The following AGBL4 variants were observed in gnomAD, a reference collection of about 807,000 sequenced individuals.
AGBL4 encodes cytosolic carboxypeptidase 6.
Under a neutral mutation model 66.4 loss-of-function variants are expected in AGBL4, and 58 were observed. The observed-to-expected ratio is 0.87, with a 90% CI of 0.71 to 1.09. The LOEUF is 1.09. Among genes scored for constraint, AGBL4 ranks in the 50% least tolerant of loss-of-function variants. AGBL4 has a pLI of 0.00. For synonymous variants in AGBL4, 234 were observed against 222.9 expected, an observed-to-expected ratio of 1.05 and a Z score of -0.44; for missense variants, 579 against 631.0, an observed-to-expected ratio of 0.92 and a Z score of 0.88.
intron 3 of AGBL4, among the ~76,000 whole-genome samples, chr1:49,431,806 T>G (rs1645793380): frequency 6.6e-6 from 1 of 151,902 alleles, no homozygotes; most frequent in Non-Finnish European, 1.5e-5. Flanking sequence ...AAAGAGAAAA[T>G]ATGTAGGATA....
chr1:48,772,186 T>C (rs1644869182), intron 6 of AGBL4, among the ~76,000 whole-genome samples: 2 of 152,098 alleles, frequency 1.3e-5, no homozygotes, highest in Non-Finnish European at 2.9e-5. Context: ...GGCACATTCA[T>C]GACTAATAAA....
At chr1:49,800,871 G>A (rs1297787776) in intron 2 of AGBL4, among the ~76,000 whole-genome samples, 1 of 133,150 alleles carries the variant, frequency 7.5e-6, no homozygotes, top group Non-Finnish European at 1.6e-5. Context: ...AGTCCTTTGG[G>A]TATATACCCA....
intron 11 of AGBL4, among the ~76,000 whole-genome samples, chr1:48,541,058 T>C (rs1398946712): frequency 6.6e-6 from 1 of 152,244 alleles, no homozygotes; most frequent in Admixed American, 6.5e-5. Flanking sequence ...ACATTATGCT[T>C]GCTACCTCCC....
chr1:49,005,335 TAAAC>T lies in AGBL4; in HGVS notation c.594+40245_594+40248del, dbSNP rs1001169997. 2.0e-5 allele frequency among the ~76,000 whole-genome samples: 3 copies of T among 152,138 alleles called. 1 individual carries two copies. The highest frequency in any genetic ancestry group is 2.0e-4 in the Admixed American group (3 of 15,270). ...AATATTAAATAAAAAATTCCAGAAA[TAAAC>T]AATTCATAAGTTTTAAATTGTGGGC... On this transcript the variant is annotated intron_variant, in intron 5 of 13. Transcript: ENST00000371839.
At chr1:49,665,170 A>C (rs1230174830) in intron 3 of AGBL4, among the ~76,000 whole-genome samples, 1 of 152,130 alleles carries the variant, frequency 6.6e-6, no homozygotes, top group African/African-American at 2.4e-5. Flanking sequence ...TTACAACCCC[A>C]ATCATATCCA....
intron 3 of AGBL4, among the ~76,000 whole-genome samples, chr1:49,348,277 G>A (rs1271713951): frequency 1.3e-5 from 2 of 152,092 alleles, no homozygotes; most frequent in African/African-American, 4.8e-5. Flanking sequence ...AACTAGCCGG[G>A]TATGGTGGCA....
intron 2 of AGBL4, among the ~76,000 whole-genome samples, chr1:49,831,853 A>G (rs1293683617): frequency 1.3e-5 from 2 of 152,180 alleles, no homozygotes; most frequent in African/African-American, 4.8e-5. Context: ...CCTTTTCTGC[A>G]TCTATGGAGA....
intron 1 of AGBL4, among the ~76,000 whole-genome samples, chr1:49,894,355 C>T (rs930211862): frequency 1.3e-5 from 2 of 152,156 alleles, no homozygotes; most frequent in African/African-American, 4.8e-5. Context: ...AAGGAAAATA[C>T]GACTCTACCA....
At chr1:49,554,380 T>C (rs1653232293) in intron 3 of AGBL4, among the ~76,000 whole-genome samples, 2 of 152,180 alleles carry the variant, frequency 1.3e-5, no homozygotes, top group Admixed American at 1.3e-4. Context: ...AACACATTTT[T>C]TTTTATACTG....
the AGBL4 span, among the ~76,000 whole-genome samples, chr1:48,526,726 A>G: frequency 1.3e-5 from 2 of 151,802 alleles, no homozygotes; most frequent in African/African-American, 4.9e-5. Context: ...TAATAGCAAC[A>G]GCAATGTTTT....
chr1:49,085,262 TTCA>T (rs55673573), intron 4 of AGBL4, among the ~76,000 whole-genome samples: 84,846 of 145,180 alleles, frequency 0.58, 24,920 homozygotes, highest in African/African-American at 0.64. Context: ...GACTGGGACT[TTCA>T]TCATCATCAT....
At chr1:49,858,786 G>T (rs1646494862) in intron 1 of AGBL4, among the ~76,000 whole-genome samples, 1 of 152,144 alleles carries the variant, frequency 6.6e-6, no homozygotes, top group African/African-American at 2.4e-5. Flanking sequence ...GGAGGCTGAG[G>T]CGGCAGATCA....
intron 1 of AGBL4, among the ~76,000 whole-genome samples, chr1:49,930,557 C>G (rs1653231889): frequency 6.6e-6 from 1 of 151,998 alleles, no homozygotes; most frequent in African/African-American, 2.4e-5. Context: ...TCAAATCCCA[C>G]TACACAAAAA....
intron 11 of AGBL4, among the ~76,000 whole-genome samples, chr1:48,576,342 C>A (rs1226089081): frequency 6.6e-6 from 1 of 152,178 alleles, no homozygotes; most frequent in African/African-American, 2.4e-5. Flanking sequence ...CCCCTCCTAA[C>A]CCTGGTCCAT....
At chr1:49,373,702 G>A (rs1402283965) in intron 3 of AGBL4, among the ~76,000 whole-genome samples, 1 of 152,054 alleles carries the variant, frequency 6.6e-6, no homozygotes, top group Non-Finnish European at 1.5e-5. Context: ...TTCTCAGGAA[G>A]AGAAACAGGT....
chr1:49,606,796 C>A (rs1490915894), intron 3 of AGBL4, among the ~76,000 whole-genome samples: 2 of 151,952 alleles, frequency 1.3e-5, no homozygotes, highest in Non-Finnish European at 2.9e-5. Context: ...TCCAAACAAC[C>A]CCAAAACTTG....
chr1:48,617,665 C>T (rs1410209009), intron 9 of AGBL4, among the ~76,000 whole-genome samples: 3 of 152,128 alleles, frequency 2.0e-5, no homozygotes, highest in Non-Finnish European at 2.9e-5. Context: ...TTTTTCTGTC[C>T]TACGGGCTGG....
In AGBL4 at chr1:48,880,084, A is replaced by C. The variant is rs541843492; in HGVS notation, c.595-12854T>G. On this transcript the variant is annotated intron_variant, in intron 5 of 13. Transcript: ENST00000371839. Reference sequence around the variant, plus strand: ...CCACCACCTGAGCAGTATACACTGAACTCTGTTTGTAGTCTTTTATCCCTT... The same window carrying C: ...CCACCACCTGAGCAGTATACACTGACCTCTGTTTGTAGTCTTTTATCCCTT... Among the ~76,000 whole-genome samples, 51 of 151,948 alleles carry C rather than the reference A, an allele frequency of 3.4e-4. No individual in the cohort carries two copies. The South Asian group carries it at 7.9e-3, about 24-fold the overall frequency.
intron 3 of AGBL4, among the ~76,000 whole-genome samples, chr1:49,253,449 A>G (rs1056320690): frequency 6.6e-6 from 1 of 152,186 alleles, no homozygotes; most frequent in Non-Finnish European, 1.5e-5. Flanking sequence ...TCCTGGACAC[A>G]TATACCCTCC....
Sources: allele counts gnomAD v4.1 joint callset (sites outside exome capture counted in the v4.1 genomes callset), GRCh38; gene constraint gnomAD v4.1.1; transcripts MANE v1.5; gene names NCBI Gene and HGNC (gene_info 2026-07-23, HGNC 2026-07-21).